PMFBP1: variants seen among roughly 807,000 people sequenced by gnomAD.
PMFBP1 encodes the protein polyamine-modulated factor 1-binding protein 1.
In PMFBP1, 131 loss-of-function variants were observed where a neutral mutation model predicts 137.8. That is an observed-to-expected ratio of 0.95 (90% CI 0.82 to 1.10). The LOEUF (loss-of-function observed/expected upper bound fraction) is 1.10. Among genes scored for constraint, PMFBP1 ranks in the 50% least tolerant of loss-of-function variants. The pLI is 0.00. For missense variants in PMFBP1, 1,199 were observed against 1,175.4 expected (o/e 1.02, Z -0.29); for synonymous variants, 490 against 450.4 (o/e 1.09, Z -1.11).
At chr16:72,213,000 C>G in the PMFBP1 span, among the ~76,000 whole-genome samples, 3 of 152,320 alleles carry the variant, frequency 2.0e-5, no homozygotes, top group East Asian at 5.8e-4. Context: ...AACGACATTT[C>G]AGACTCGAAA....
chr16:72,166,760 ATCAG>A (rs1318367580), intron 2 of PMFBP1, among the ~76,000 whole-genome samples: 2 of 152,218 alleles, frequency 1.3e-5, no homozygotes, highest in Admixed American at 6.5e-5. Context: ...CAAACTCAGC[ATCAG>A]TCAGTCAATG....
the PMFBP1 span, among the ~76,000 whole-genome samples, chr16:72,232,492 G>T: frequency 2.0e-5 from 3 of 152,092 alleles, no homozygotes; most frequent in African/African-American, 7.2e-5. Flanking sequence ...AAGAAAGAAT[G>T]AACAGAGGTA....
chr16:72,159,754 C>G (rs1309599343), intron 3 of PMFBP1, among the ~76,000 whole-genome samples: 4 of 151,112 alleles, frequency 2.6e-5, no homozygotes, highest in African/African-American at 7.3e-5. Flanking sequence ...TGCTGAAGAG[C>G]AGTATCACAA....
At chr16:72,120,921 G>A (rs536634442) in intron 19 of PMFBP1, among the ~76,000 whole-genome samples, 10 of 152,262 alleles carry the variant, frequency 6.6e-5, no homozygotes, top group African/African-American at 2.4e-4. Context: ...GATGAAATGA[G>A]CTCATATGTG....
At chr16:72,136,909 G>T (rs551016754) in intron 7 of PMFBP1, 90 bp from the exon 8 acceptor site, 7 of 1,554,530 alleles carry the variant, frequency 4.5e-6, no homozygotes, top group Non-Finnish European at 6.1e-6. Context: ...TCAACAGTAA[G>T]TAGGGACAAA....
chr16:72,124,104 C>T (rs1597458780), intron 17 of PMFBP1, among the ~76,000 whole-genome samples: 1 of 152,126 alleles, frequency 6.6e-6, no homozygotes, highest in Non-Finnish European at 1.5e-5. Context: ...AACCTCCCCC[C>T]CGGCTCAAGC....
At position 72,125,334 on chromosome 16, in the gene PMFBP1, C is replaced by A. The variant is rs774497532; in HGVS notation, c.2325G>T (p.Gln775His). ...CATAAGCAATGATTTCCTCTTCCAG[C>A]TGAGCTTTCTTCTCTTGGGTCTGTG... ...SLTQTQEKKA[Q>H]LEEEIIAYEE... The change falls in exon 16 of 21, where the codon CAG becomes CAT. Residue 775 changes from glutamine to histidine, a missense_variant. Coordinates refer to ENST00000237353, the MANE Select transcript of PMFBP1 (RefSeq NM_031293.3). 1.2e-6 allele frequency: 2 copies of A among 1,614,190 alleles called. No homozygotes were observed. The highest frequency in any genetic ancestry group is 4.5e-5 in the East Asian group (2 of 44,876).
At chr16:72,226,763 A>T in the PMFBP1 span, among the ~76,000 whole-genome samples, 1 of 152,326 alleles carries the variant, frequency 6.6e-6, no homozygotes, top group South Asian at 2.1e-4. Flanking sequence ...TATTCTAGAG[A>T]TTCGCAAAGA....
intron 2 of PMFBP1, among the ~76,000 whole-genome samples, chr16:72,169,304 G>A (rs1055703005): frequency 1.3e-5 from 2 of 152,074 alleles, no homozygotes; most frequent in Non-Finnish European, 2.9e-5. Flanking sequence ...ATTGATTCAG[G>A]AATTCTTACA....
chr16:72,218,253 C>G, the PMFBP1 span, among the ~76,000 whole-genome samples: 1 of 152,026 alleles, frequency 6.6e-6, no homozygotes, highest in Admixed American at 6.5e-5. Context: ...GAATGTCCAG[C>G]AAAAAATCAA....
the PMFBP1 span, among the ~76,000 whole-genome samples, chr16:72,244,170 T>C: frequency 3.3e-5 from 5 of 152,154 alleles, no homozygotes; most frequent in Admixed American, 6.5e-5. Flanking sequence ...GTGATCACAT[T>C]AACCTCCTTT....
At chr16:72,239,885 C>CAAAAAAAAAA in the PMFBP1 span, among the ~76,000 whole-genome samples, 2 of 21,394 alleles carry the variant, frequency 9.3e-5, no homozygotes, top group African/African-American at 4.6e-4. Context: ...ACTCCATGTA[C>CAAAAAAAAAA]AAAAAAAAAA....
the PMFBP1 span, among the ~76,000 whole-genome samples, chr16:72,199,696 G>A: frequency 1.3e-5 from 2 of 151,348 alleles, no homozygotes; most frequent in Non-Finnish European, 2.9e-5. Flanking sequence ...TATTGGAAAG[G>A]GCTTTTCAGA....
At chr16:72,205,251 A>G in the PMFBP1 span, among the ~76,000 whole-genome samples, 1 of 152,208 alleles carries the variant, frequency 6.6e-6, no homozygotes, top group Non-Finnish European at 1.5e-5. Context: ...TGCTTCTTGC[A>G]CTCCAAAGCG....
the PMFBP1 span, among the ~76,000 whole-genome samples, chr16:72,204,582 T>G: frequency 6.6e-6 from 1 of 152,218 alleles, no homozygotes; most frequent in African/African-American, 2.4e-5. Context: ...TGGCAGGTCC[T>G]GAGTATGTCA....
At chr16:72,180,892 G>A (rs1202306037), upstream of PMFBP1, among the ~76,000 whole-genome samples, 1 of 152,154 alleles carries the variant, frequency 6.6e-6, no homozygotes, top group Admixed American at 6.5e-5. Flanking sequence ...AAAATGAGTG[G>A]AAGAAATGAA....
chr16:72,238,668 C>T, the PMFBP1 span, among the ~76,000 whole-genome samples: 86 of 152,278 alleles, frequency 5.6e-4, no homozygotes, highest in South Asian at 1.0e-3. Context: ...CCATAAAGTA[C>T]CTGCTATGTT....
chr16:72,177,786 C>T (rs1168784413), upstream of PMFBP1, among the ~76,000 whole-genome samples: 1 of 152,188 alleles, frequency 6.6e-6, no homozygotes, highest in East Asian at 1.9e-4. Flanking sequence ...TTAGACTCCA[C>T]TAATCTATGA....
chr16:72,135,383 T>C (rs1425525664), intron 9 of PMFBP1, among the ~76,000 whole-genome samples: 2 of 149,042 alleles, frequency 1.3e-5, no homozygotes, highest in African/African-American at 2.5e-5. Flanking sequence ...TTTTTTGTTG[T>C]TGTTGTTTTT....
Sources: allele counts gnomAD v4.1 joint callset (sites outside exome capture counted in the v4.1 genomes callset), GRCh38; gene constraint gnomAD v4.1.1; transcripts MANE v1.5; gene names NCBI Gene and HGNC (gene_info 2026-07-23, HGNC 2026-07-21).